The following GEMIN5 variants were observed in gnomAD, a reference collection of about 807,000 sequenced individuals.
GEMIN5 encodes the protein gem-associated protein 5.
A neutral mutation model predicts 176.9 loss-of-function variants in GEMIN5; 124 were observed. The ratio of observed to expected loss-of-function variants is 0.70; its 90% CI spans 0.61 to 0.81. The LOEUF is 0.81. Among genes scored for constraint, GEMIN5 ranks in the 40% least tolerant of loss-of-function variants. GEMIN5 has a pLI of 0.00. For missense variants in GEMIN5, 1,843 were observed against 1,814.6 expected (o/e 1.02, Z -0.28); for synonymous variants, 673 against 665.2 (o/e 1.01, Z -0.18).
intron 11 of GEMIN5, among the ~76,000 whole-genome samples, 159 bp downstream of exon 11, chr5:154,919,808 A>G (rs1776869733): frequency 6.6e-6 from 1 of 152,210 alleles, no homozygotes; most frequent in South Asian, 2.1e-4. Context: ...CCTAAGATAT[A>G]TAACTCACAA....
intron 15 of GEMIN5, among the ~76,000 whole-genome samples, chr5:154,911,465 A>G (rs543105308): frequency 1.3e-4 from 20 of 152,274 alleles, no homozygotes; most frequent in African/African-American, 4.3e-4. Flanking sequence ...GCGAGCCAAG[A>G]TCACGCCACT....
intron 27 of GEMIN5, 60 bp downstream of exon 27, chr5:154,889,261 T>C: frequency 1.2e-6 from 1 of 838,100 alleles, no homozygotes; most frequent in South Asian, 1.4e-5. Flanking sequence ...AAGAATGTGG[T>C]ATAGTCAAGT....
chr5:154,938,041 G>T lies in GEMIN5; in HGVS notation c.93C>A (p.Ala31=). The stretch of plus-strand genomic sequence containing the variant: ...GGACAAGGAAGACGGAGGTCCGCGC[G>T]GCGAAGCCAAAGAGGCCCCCGGGCA... The part of the protein sequence containing the change: ...DAVPGGLFGF[A]ARTSVFLVRV... Residue 31 remains alanine, a synonymous_variant, in exon 1 of 28, where the codon GCC becomes GCA. Coordinates refer to ENST00000285873, the MANE Select transcript of GEMIN5 (RefSeq NM_015465.5). 1 of 1,549,344 alleles carries T rather than the reference G, an allele frequency of 6.5e-7. No homozygotes were observed. Among genetic ancestry groups the T allele is most frequent in the Non-Finnish European group, 8.7e-7 (1 of 1,151,548 alleles).
chr5:154,910,570 C>T lies in GEMIN5; in HGVS notation c.2167+1157G>A, dbSNP rs1273912953. Among the ~76,000 whole-genome samples the T allele has an allele frequency of 2.6e-5, 4 of 152,204 alleles. No individual in the cohort carries two copies. The East Asian group carries it at 5.8e-4, about 22-fold the overall frequency. Reference sequence around the variant, plus strand: ...CCTCTAGCCTTGGCTTCCCAAAGTGCTGGGAATACAGACATGAGCCACTGT... The same window carrying T: ...CCTCTAGCCTTGGCTTCCCAAAGTGTTGGGAATACAGACATGAGCCACTGT... On this transcript the variant is annotated intron_variant, in intron 15 of 27. Coordinates refer to ENST00000285873, the MANE Select transcript of GEMIN5 (RefSeq NM_015465.5).
intron 10 of GEMIN5, 69 bp from the exon 11 acceptor site, chr5:154,920,172 A>G (rs1045828769): frequency 1.2e-5 from 15 of 1,257,824 alleles, no homozygotes; most frequent in Non-Finnish European, 1.7e-5. Flanking sequence ...TTGCTATAGT[A>G]TGACCATACC....
chr5:154,888,506 C>T (rs1345088618), intron 27 of GEMIN5, 129 bp from the exon 28 acceptor site: 23 of 683,104 alleles, frequency 3.4e-5, no homozygotes, highest in Non-Finnish European at 5.2e-5. Flanking sequence ...CCAGCTGTCT[C>T]CTAAGGCAAT....
At position 154,904,641 on chromosome 5, in the gene GEMIN5, TA is replaced by T. The variant is rs780239248; in HGVS notation, c.2510-13del. 6.2e-7 allele frequency: 1 copy of T among 1,600,482 alleles called. No homozygotes were observed. Among genetic ancestry groups the T allele is most frequent in the South Asian group, 1.1e-5 (1 of 90,810 alleles). On this transcript the variant is annotated splice_polypyrimidine_tract_variant and intron_variant, in intron 17 of 27. Transcript: ENST00000285873. ...CTTGATTAAGGTTTCTGAAATTTAATAAAGTACATACTATCTGAAGGAGAAC... is the reference window on the plus strand; with the variant it reads ...CTTGATTAAGGTTTCTGAAATTTAATAAGTACATACTATCTGAAGGAGAAC...
Position 154,907,731 on chromosome 5 carries a change from G to C in GEMIN5, c.2255C>G (p.Pro752Arg), listed in dbSNP as rs565624238. 6.2e-7 allele frequency: 1 copy of C among 1,614,114 alleles called. No individual in the cohort carries two copies. Among genetic ancestry groups the C allele is most frequent in the South Asian group, 1.1e-5 (1 of 91,072 alleles). ...TCCATCAATCGATTCCAGCTTTACA[G>C]GAGTTCTCAAGGTGGGCTTTTTCTT... ...KKKKKPTLRT[P>R]VKLESIDGNE... The change falls in exon 16 of 28, where the codon CCT becomes CGT. Residue 752 changes from proline (P) to arginine (R), a missense_variant. Coordinates refer to ENST00000285873, the MANE Select transcript of GEMIN5 (RefSeq NM_015465.5).
At chr5:154,936,207 G>A (rs1477960721) in intron 2 of GEMIN5, among the ~76,000 whole-genome samples, 185 bp from the exon 3 acceptor site, 1 of 152,010 alleles carries the variant, frequency 6.6e-6, no homozygotes, top group Non-Finnish European at 1.5e-5. Flanking sequence ...ACCAGGTAAG[G>A]AGATCGAGAC....
chr5:154,889,867 C>T (rs1393617092), intron 26 of GEMIN5, among the ~76,000 whole-genome samples: 2 of 152,236 alleles, frequency 1.3e-5, no homozygotes, highest in Non-Finnish European at 2.9e-5. Flanking sequence ...ATCCATTCAT[C>T]TGTCAGTGGA....
intron 6 of GEMIN5, among the ~76,000 whole-genome samples, 177 bp downstream of exon 6, chr5:154,928,350 T>C (rs535383779): frequency 3.3e-5 from 5 of 152,364 alleles, no homozygotes; most frequent in South Asian, 2.1e-4. Context: ...ACTATACTTA[T>C]GTGATCTTTT....
At position 154,905,421 on chromosome 5, in the gene GEMIN5, T is replaced by G. The variant is rs1561715270; in HGVS notation, c.2451A>C (p.Lys817Asn). ...TPVSSGFEKSKVTINNKVILL... is the reference protein window; with the variant it reads ...TPVSSGFEKSNVTINNKVILL... ...AAATGACTTTGTTATTAATGGTGAC[T>G]TTTGACTTTTCAAAGCCTGAGGAAA... The change falls in exon 17 of 28, where the codon AAA becomes AAC. Residue 817 changes from lysine to asparagine, a missense_variant. Transcript: ENST00000285873. 6.2e-7 allele frequency: 1 copy of G among 1,610,516 alleles called. No homozygotes were observed. The highest frequency in any genetic ancestry group is 8.5e-7 in the Non-Finnish European group (1 of 1,177,934).
intron 13 of GEMIN5, 37 bp from the exon 14 acceptor site, chr5:154,913,075 CTAA>C (rs1392490792): frequency 2.6e-6 from 4 of 1,546,700 alleles, no homozygotes; most frequent in African/African-American, 2.8e-5. Flanking sequence ...GCTGCTACTA[CTAA>C]TAACAAAAAA....
intron 27 of GEMIN5, 114 bp from the exon 28 acceptor site, chr5:154,888,491 C>G: frequency 2.6e-6 from 2 of 760,808 alleles, no homozygotes; most frequent in Non-Finnish European, 4.3e-6. Flanking sequence ...TTGGACACAG[C>G]TGAGCCAGCT....
Position 154,931,438 on chromosome 5 carries a change from A to G in GEMIN5, c.781+20T>C, listed in dbSNP as rs752112801. 4 of 1,595,128 alleles carry G rather than the reference A, an allele frequency of 2.5e-6. No individual in the cohort carries two copies. The highest frequency in any genetic ancestry group is 1.1e-5 in the South Asian group (1 of 89,442). Reference sequence around the variant, plus strand: ...ACCAGATCAACATAGGTTACATCACAAAAGAAAGATCAATCTTACCTCGGC... The same window carrying G: ...ACCAGATCAACATAGGTTACATCACGAAAGAAAGATCAATCTTACCTCGGC... On this transcript the variant is annotated intron_variant, in intron 5 of 27. Transcript: ENST00000285873.
chr5:154,917,703 C>T (rs1199644673), intron 12 of GEMIN5, among the ~76,000 whole-genome samples: 4 of 152,146 alleles, frequency 2.6e-5, no homozygotes, highest in African/African-American at 9.7e-5. Flanking sequence ...GACAAGACAG[C>T]CAAAATACAG....
chr5:154,925,820 A>G (rs771512714), intron 8 of GEMIN5, 42 bp downstream of exon 8: 25 of 1,000,188 alleles, frequency 2.5e-5, no homozygotes, highest in Middle Eastern at 2.6e-4. Flanking sequence ...AATTATTTGG[A>G]AAAAAAAAAG....
chr5:154,920,732 A>G (rs968604916), intron 10 of GEMIN5, among the ~76,000 whole-genome samples: 1 of 152,242 alleles, frequency 6.6e-6, no homozygotes, highest in Non-Finnish European at 1.5e-5. Context: ...ATGTAATGCA[A>G]TTCCTATAGA....
chr5:154,931,961 C>T (rs1346114765), intron 4 of GEMIN5, 138 bp downstream of exon 4: 6 of 697,970 alleles, frequency 8.6e-6, no homozygotes, highest in Non-Finnish European at 1.2e-5. Flanking sequence ...TGCGGTGAGC[C>T]GAGATCACGC....
Sources: gnomAD v4.1 joint callset for allele counts (sites outside exome capture counted in the v4.1 genomes callset) on GRCh38, gnomAD v4.1.1 for gene constraint, MANE v1.5 for transcripts, NCBI Gene and HGNC (gene_info 2026-07-23, HGNC 2026-07-21) for gene names.